Variants in FSTL4 observed in about 807,000 individuals in gnomAD.
FSTL4 encodes the protein follistatin-related protein 4.
Under a neutral mutation model 78.2 loss-of-function variants are expected in FSTL4, and 28 were observed. That is an observed-to-expected ratio of 0.36 (90% CI 0.27 to 0.49). The LOEUF is 0.49. FSTL4 is among the 20% of genes least tolerant of loss of function. The pLI, the probability that FSTL4 is intolerant of heterozygous loss-of-function variation, is 0.98. For missense variants in FSTL4, 922 were observed against 1,084.9 expected, an observed-to-expected ratio of 0.85 and a Z score of 2.11; for synonymous variants, 422 against 440.5, an observed-to-expected ratio of 0.96 and a Z score of 0.53.
chr5:133,778,942 T>A, the FSTL4 span, among the ~76,000 whole-genome samples: 1 of 152,178 alleles, frequency 6.6e-6, no homozygotes, highest in Non-Finnish European at 1.5e-5. Context: ...CAAAGTGACC[T>A]GGTAAAAAGG....
chr5:133,228,025 G>A (rs552469907), intron 8 of FSTL4, among the ~76,000 whole-genome samples: 17 of 152,272 alleles, frequency 1.1e-4, no homozygotes, highest in South Asian at 8.3e-4. Context: ...CCACATGTTC[G>A]AGACTAGCCT....
At chr5:133,729,146 T>A in the FSTL4 span, among the ~76,000 whole-genome samples, 82 of 152,158 alleles carry the variant, frequency 5.4e-4, 2 homozygotes, top group East Asian at 0.012. Context: ...GGTCCTCTTA[T>A]CAAGGAAATA....
At chr5:133,233,643 C>G in intron 7 of FSTL4, 106 bp from the exon 8 acceptor site, 1 of 1,396,750 alleles carries the variant, frequency 7.2e-7, no homozygotes, top group Non-Finnish European at 9.9e-7. Context: ...GAGAGAGTTC[C>G]TTTCTGCCTG....
At chr5:133,572,865 G>C (rs1466665213) in intron 2 of FSTL4, among the ~76,000 whole-genome samples, 1 of 152,132 alleles carries the variant, frequency 6.6e-6, no homozygotes, top group Non-Finnish European at 1.5e-5. Context: ...ATGAAAGGCA[G>C]AAGAGAAAAG....
chr5:133,831,591 C>A, the FSTL4 span, among the ~76,000 whole-genome samples: 1 of 152,188 alleles, frequency 6.6e-6, no homozygotes, highest in African/African-American at 2.4e-5. Flanking sequence ...TGCTAATTAT[C>A]TCTCTATAAA....
the FSTL4 span, among the ~76,000 whole-genome samples, chr5:133,790,073 C>A: frequency 6.6e-6 from 1 of 152,174 alleles, no homozygotes. Context: ...CTGGTCTCCG[C>A]CTCTCCCTCC....
the FSTL4 span, among the ~76,000 whole-genome samples, chr5:133,773,432 C>G: frequency 1.3e-5 from 2 of 152,134 alleles, no homozygotes; most frequent in Non-Finnish European, 2.9e-5. Context: ...TCTAGTTCAG[C>G]CAACAGGAGG....
the FSTL4 span, among the ~76,000 whole-genome samples, chr5:133,773,422 T>A: frequency 6.6e-6 from 1 of 152,196 alleles, no homozygotes; most frequent in Non-Finnish European, 1.5e-5. Context: ...ACCTCTGGCT[T>A]CTAGTTCAGC....
At chr5:133,547,747 C>A (rs1759612502) in intron 3 of FSTL4, among the ~76,000 whole-genome samples, 1 of 152,144 alleles carries the variant, frequency 6.6e-6, no homozygotes, top group African/African-American at 2.4e-5. Flanking sequence ...GAGACCCTCA[C>A]CAGAAGATGA....
Position 133,210,285 on chromosome 5 carries a change from T to C in FSTL4, c.1622A>G (p.Asp541Gly), listed in dbSNP as rs1750664431. 6.2e-7 allele frequency: 1 copy of C among 1,600,300 alleles called. No individual in the cohort carries two copies. The highest frequency in any genetic ancestry group is 1.3e-5 in the African/African-American group (1 of 74,414). ...AQKVLQSIGV[D>G]PLPAKLSYDK... ...ATAGGACAGCTTAGCCGGCAGAGGG[T>C]CCACACCTATGGACTTGAAAAAAAA... Residue 541 changes from aspartate (D) to glycine (G), a missense_variant, in exon 14 of 16, where the codon GAC becomes GGC. By Grantham distance (94) the Asp-to-Gly change is moderately conservative (BLOSUM62 -1). Coordinates refer to ENST00000265342, the MANE Select transcript of FSTL4 (RefSeq NM_015082.2).
chr5:133,364,419 AAAG>A (rs1186295133), intron 4 of FSTL4, among the ~76,000 whole-genome samples: 1 of 152,220 alleles, frequency 6.6e-6, no homozygotes, highest in East Asian at 1.9e-4. Context: ...AGGCCACCGC[AAAG>A]GAGGAATTGG....
At chr5:133,241,900 C>A (rs1038312988) in intron 7 of FSTL4, among the ~76,000 whole-genome samples, 2 of 152,192 alleles carry the variant, frequency 1.3e-5, no homozygotes, top group Non-Finnish European at 2.9e-5. Context: ...TTGAGACACT[C>A]CAGAGAGGAT....
intron 3 of FSTL4, among the ~76,000 whole-genome samples, chr5:133,413,088 C>T (rs901807090): frequency 6.6e-6 from 1 of 152,014 alleles, no homozygotes; most frequent in African/African-American, 2.4e-5. Flanking sequence ...TATTCTTCTA[C>T]TGTTTATCTC....
chr5:133,489,056 T>G (rs1758201968), intron 3 of FSTL4, among the ~76,000 whole-genome samples: 1 of 140,952 alleles, frequency 7.1e-6, no homozygotes, highest in Non-Finnish European at 1.6e-5. Context: ...TATTAGATGG[T>G]TGACTCCTCC....
At chr5:133,468,454 G>A (rs961853158) in intron 3 of FSTL4, among the ~76,000 whole-genome samples, 20 of 152,214 alleles carry the variant, frequency 1.3e-4, no homozygotes, top group Admixed American at 5.2e-4. Flanking sequence ...AGTTAAGAAT[G>A]GAAGAAGGTG....
At chr5:133,687,428 T>A in the FSTL4 span, among the ~76,000 whole-genome samples, 1 of 152,050 alleles carries the variant, frequency 6.6e-6, no homozygotes, top group Admixed American at 6.5e-5. Flanking sequence ...CCTCTTGGAG[T>A]TTACCTTTCA....
the FSTL4 span, among the ~76,000 whole-genome samples, chr5:133,617,942 C>T: frequency 2.0e-5 from 3 of 152,004 alleles, no homozygotes; most frequent in African/African-American, 4.8e-5. Flanking sequence ...CAGAGGGATC[C>T]AGGCAAAGAG....
chr5:133,450,449 A>G (rs1266941112), intron 3 of FSTL4, among the ~76,000 whole-genome samples: 1 of 152,170 alleles, frequency 6.6e-6, no homozygotes, highest in Non-Finnish European at 1.5e-5. Flanking sequence ...ATCTGCACAC[A>G]CACCGAGCAC....
At chr5:133,733,446 A>C in the FSTL4 span, among the ~76,000 whole-genome samples, 2 of 152,346 alleles carry the variant, frequency 1.3e-5, no homozygotes, top group Admixed American at 1.3e-4. Context: ...TATTCTGGCC[A>C]AAAATACTGA....
Sources: allele counts gnomAD v4.1 joint callset (sites outside exome capture counted in the v4.1 genomes callset), GRCh38; gene constraint gnomAD v4.1.1; transcripts MANE v1.5; gene names NCBI Gene and HGNC (gene_info 2026-07-23, HGNC 2026-07-21).